The following SLC12A1 variants were observed in gnomAD, a reference collection of about 807,000 sequenced individuals.
SLC12A1 encodes the protein Na-K-2Cl cotransporter.
In SLC12A1, 89 loss-of-function variants were observed where a neutral mutation model predicts 130.4. The ratio of observed to expected loss-of-function variants is 0.68; its 90% CI spans 0.58 to 0.81. The LOEUF is 0.81. Among genes scored for constraint, SLC12A1 ranks in the 40% least tolerant of loss-of-function variants. The probability of loss-of-function intolerance (pLI) is 0.00; values close to 1 mark genes in which losing one functional copy is unlikely to be tolerated. For missense variants in SLC12A1, 1,310 were observed against 1,336.4 expected, an observed-to-expected ratio of 0.98 and a Z score of 0.31; for synonymous variants, 499 against 460.0, an observed-to-expected ratio of 1.08 and a Z score of -1.09.
Position 48,302,818 on chromosome 15 carries a change from C to T in SLC12A1, c.3233C>T (p.Thr1078Ile), listed in dbSNP as rs1316968523. 1 of 1,612,942 alleles carries T rather than the reference C, an allele frequency of 6.2e-7. No individual in the cohort carries two copies. The highest frequency in any genetic ancestry group is 1.7e-5 in the Admixed American group (1 of 60,002). Reference protein sequence around the residue: ...LLYMAWLEILTKNLPPVLLVR... With the variant: ...LLYMAWLEILIKNLPPVLLVR... ...TATATGGCTTGGTTGGAAATCCTCA[C>T]AAAGAACCTCCCACCTGTCTTACTA... Residue 1078 changes from threonine (T) to isoleucine (I), a missense_variant, in exon 27 of 27, where the codon ACA (threonine) becomes ATA (isoleucine). Thr to Ile is a moderately conservative substitution (Grantham distance 89). Transcript: ENST00000380993.
In SLC12A1 at chr15:48,221,002, C is replaced by G. The variant is rs780557849; in HGVS notation, c.628+6C>G. ...TGTTGGAGAAGCTGGAATTGGTAAG[C>G]ATTTTTCCCCTCCTAAATAATTTTG... On this transcript the variant is annotated splice_donor_region_variant and intron_variant, in intron 4 of 26. Transcript: ENST00000380993. The G allele has an allele frequency of 3.1e-6, 5 of 1,612,988 alleles. No homozygotes were observed. Among genetic ancestry groups the G allele is most frequent in the Non-Finnish European group, 4.2e-6 (5 of 1,178,960 alleles).
rs2279365 is a variant in SLC12A1 at position 48,249,503 on chromosome 15, G to A, written c.1685-72G>A. The A allele has an allele frequency of 0.74, 810,190 of 1,097,552 alleles. 312,764 individuals carry two copies. Among genetic ancestry groups the A allele is most frequent in the Non-Finnish European group, 0.81 (577,429 of 712,852 alleles). The allele number at this position is 1,097,552 out of a possible 1,614,324, so 68.0% of individuals were successfully genotyped here. A position where few individuals can be genotyped will look rare whatever the true frequency, so the allele number is the denominator to read the frequency against. On this transcript the variant is annotated intron_variant, in intron 13 of 26. Transcript: ENST00000380993. ...CAATTTCCAAATAAATTCAAGCTTC[G>A]AGGCTATAACAGCTGTTCAGCCCCT...
intron 2 of SLC12A1, among the ~76,000 whole-genome samples, chr15:48,219,779 G>A (rs1310160889): frequency 6.6e-6 from 1 of 151,932 alleles, no homozygotes; most frequent in African/African-American, 2.4e-5. Flanking sequence ...TAGGACGGGC[G>A]CGGTGGCTCA....
rs1216305114 is a variant in SLC12A1 at position 48,255,744 on chromosome 15, A to G, written c.1943-67A>G. The stretch of plus-strand genomic sequence containing the variant: ...AAAATCATAGAAGGGAATGACTTGT[A>G]AAATTATTCATGGTGCACAGAGGAA... On this transcript the variant is annotated intron_variant, in intron 15 of 26. Transcript: ENST00000380993. 12 of 985,476 alleles carry G rather than the reference A, an allele frequency of 1.2e-5. 1 individual carries two copies. The highest frequency in any genetic ancestry group is 9.3e-5 in the Admixed American group (4 of 42,790). 61.0% of individuals were successfully genotyped at this position (985,476 alleles called of 1,614,324 possible).
intron 5 of SLC12A1, chr15:48,227,371 G>A: frequency 5.1e-6 from 3 of 593,514 alleles, no homozygotes; most frequent in Non-Finnish European, 6.0e-6. Context: ...CCCATTTCTT[G>A]TAACAAAACA....
At chr15:48,213,531 T>A (rs1184808667) in intron 2 of SLC12A1, among the ~76,000 whole-genome samples, 1 of 145,768 alleles carries the variant, frequency 6.9e-6, no homozygotes, top group African/African-American at 2.7e-5. Flanking sequence ...TGAGACGGGA[T>A]CTCGCTCTGT....
chr15:48,212,152 T>G (rs897297255), intron 2 of SLC12A1, among the ~76,000 whole-genome samples: 1 of 152,138 alleles, frequency 6.6e-6, no homozygotes, highest in African/African-American at 2.4e-5. Flanking sequence ...AGTGGTAATT[T>G]TTATACTAGC....
At chr15:48,301,211 AT>A (rs533377148) in intron 25 of SLC12A1, 103 bp from the exon 26 acceptor site, 41 of 819,632 alleles carry the variant, frequency 5.0e-5, no homozygotes, top group Admixed American at 4.8e-4. Flanking sequence ...ATTTTTATAC[AT>A]TTTTTAAGAT....
intron 17 of SLC12A1, among the ~76,000 whole-genome samples, chr15:48,260,373 CA>C (rs1241150457): frequency 1.3e-5 from 2 of 151,554 alleles, no homozygotes; most frequent in African/African-American, 4.8e-5. Context: ...CACACACACA[CA>C]CACACACACC....
At chr15:48,229,353 C>T in intron 6 of SLC12A1, 25 bp downstream of exon 6, 1 of 1,568,136 alleles carries the variant, frequency 6.4e-7, no homozygotes, top group Non-Finnish European at 8.7e-7. Flanking sequence ...TTCTTTTTTT[C>T]TGCCAAGCAG....
chr15:48,255,977 C>A, intron 16 of SLC12A1, 67 bp downstream of exon 16: 2 of 895,352 alleles, frequency 2.2e-6, no homozygotes, highest in South Asian at 2.8e-5. Context: ...TTATAAGAGA[C>A]AAGGGCATTC....
At chr15:48,238,196 C>A (rs1597416836) in intron 9 of SLC12A1, among the ~76,000 whole-genome samples, 1 of 152,246 alleles carries the variant, frequency 6.6e-6, no homozygotes, top group Middle Eastern at 3.4e-3. Context: ...TGGTTGTAAC[C>A]TGTCGAATTG....
intron 2 of SLC12A1, among the ~76,000 whole-genome samples, chr15:48,212,359 T>G (rs2041062048): frequency 6.6e-6 from 1 of 152,206 alleles, no homozygotes; most frequent in Non-Finnish European, 1.5e-5. Context: ...AATATCTGGA[T>G]TCCTATCAAT....
chr15:48,301,371 T>A lies in SLC12A1; in HGVS notation c.3153T>A (p.Asn1051Lys). Residue 1051 changes from asparagine (N) to lysine (K), a missense_variant, in exon 26 of 27, where the codon AAT becomes AAA. Asn to Lys is a moderately conservative substitution (Grantham distance 94). Transcript: ENST00000380993. Reference sequence around the variant, plus strand: ...TACAGGAGCACTCCAGAGCTGCTAATCTCATTGTCCTGTAAGTATCATTGC... The same window carrying A: ...TACAGGAGCACTCCAGAGCTGCTAAACTCATTGTCCTGTAAGTATCATTGC... ...ELLQEHSRAANLIVLSLPVAR... is the reference protein window; with the variant it reads ...ELLQEHSRAAKLIVLSLPVAR... 6.3e-7 allele frequency: 1 copy of A among 1,590,062 alleles called. No individual in the cohort carries two copies. Among genetic ancestry groups the A allele is most frequent in the Non-Finnish European group, 8.6e-7 (1 of 1,166,970 alleles).
chr15:48,291,732 ATAGT>A lies in SLC12A1; in HGVS notation c.2874-43_2874-40del, dbSNP rs1451418372. 24 of 1,141,192 alleles carry A rather than the reference ATAGT, an allele frequency of 2.1e-5. 1 individual carries two copies. 70.7% of individuals were successfully genotyped at this position (1,141,192 alleles called of 1,614,324 possible). A position where few individuals can be genotyped will look rare whatever the true frequency, so the allele number is the denominator to read the frequency against. ...CAAACAAAAAACTCTTTGATTGAAA[ATAGT>A]TAAATATGCAATGATGAAGTATTTT... On this transcript the variant is annotated intron_variant, in intron 23 of 26. Coordinates refer to ENST00000380993, the MANE Select transcript of SLC12A1 (RefSeq NM_000338.3).
intron 24 of SLC12A1, among the ~76,000 whole-genome samples, chr15:48,293,065 G>T (rs1566859372): frequency 6.6e-6 from 1 of 152,222 alleles, no homozygotes; most frequent in East Asian, 1.9e-4. Flanking sequence ...ACAAGCACAT[G>T]CCACCACACC....
At chr15:48,290,036 T>C (rs1237986600) in intron 23 of SLC12A1, among the ~76,000 whole-genome samples, 1 of 152,256 alleles carries the variant, frequency 6.6e-6, no homozygotes, top group Non-Finnish European at 1.5e-5. Flanking sequence ...GACCCTTTTG[T>C]AATAACACTG....
intron 20 of SLC12A1, among the ~76,000 whole-genome samples, chr15:48,283,555 T>C (rs1396469632): frequency 6.6e-6 from 1 of 152,258 alleles, no homozygotes; most frequent in East Asian, 1.9e-4. Flanking sequence ...TCGCAAAAGA[T>C]TAATTGCTAA....
At position 48,226,626 on chromosome 15, in the gene SLC12A1, A is replaced by AT. The variant is rs1483914710; in HGVS notation, c.724+61dup. 96 of 1,020,112 alleles carry AT rather than the reference A, an allele frequency of 9.4e-5. 1 individual carries two copies. Among genetic ancestry groups the AT allele is most frequent in the East Asian group, 4.8e-5 (2 of 41,922 alleles). The allele number at this position is 1,020,112 out of a possible 1,614,324, so 63.2% of individuals were successfully genotyped here. ...ATCACTTGCTACGGGTAGGCGAACA[A>AT]TTTTTTATACTTCTTTTTGATGGGA... On this transcript the variant is annotated intron_variant, in intron 5 of 26. Coordinates refer to ENST00000380993, the MANE Select transcript of SLC12A1 (RefSeq NM_000338.3).
Sources: allele counts gnomAD v4.1 joint callset (sites outside exome capture counted in the v4.1 genomes callset), GRCh38; gene constraint gnomAD v4.1.1; transcripts MANE v1.5; gene names NCBI Gene and HGNC (gene_info 2026-07-23, HGNC 2026-07-21).